The following CPNE9 variants were observed in gnomAD, a reference collection of about 807,000 sequenced individuals.
CPNE9 encodes copine family member 9.
Under a neutral mutation model 83.0 loss-of-function variants are expected in CPNE9, and 59 were observed. The observed-to-expected ratio is 0.71, with a 90% confidence interval of 0.58 to 0.88. The LOEUF (loss-of-function observed/expected upper bound fraction) is 0.88. CPNE9 is among the 40% of genes least tolerant of loss of function. CPNE9 has a pLI of 0.00. For missense variants in CPNE9, 619 were observed against 720.8 expected (o/e 0.86, Z 1.62); for synonymous variants, 256 against 273.4 (o/e 0.94, Z 0.63).
intron 4 of CPNE9, 102 bp downstream of exon 4, chr3:9,705,096 T>C: frequency 2.4e-6 from 2 of 845,546 alleles, no homozygotes; most frequent in East Asian, 5.3e-5. Flanking sequence ...CTGGTTCTTC[T>C]CGCAGGCCTC....
chr3:9,713,219 G>A, intron 10 of CPNE9, 140 bp downstream of exon 10: 2 of 663,102 alleles, frequency 3.0e-6, no homozygotes. Flanking sequence ...ATGAGGTTGG[G>A]TGGATGGACA....
chr3:9,727,481 A>G, intron 20 of CPNE9: 1 of 706,558 alleles, frequency 1.4e-6, no homozygotes, highest in South Asian at 1.5e-5. Context: ...AGTACTCCAG[A>G]GGAATAGCAA....
At position 9,729,878 on chromosome 3, in the gene CPNE9, C is replaced by T; in HGVS notation, c.*186C>T. On this transcript the variant is annotated 3_prime_UTR_variant, in exon 21 of 21. Transcript: ENST00000383832. ...GGCACTATCACCACCTCTCTGCCTT[C>T]ATGCCAATAATAAAGCTGATCTTTA... 1 of 727,914 alleles carries T rather than the reference C, an allele frequency of 1.4e-6. No homozygotes were observed. The highest frequency in any genetic ancestry group is 2.1e-6 in the Non-Finnish European group (1 of 474,362). 45.1% of individuals were successfully genotyped at this position (727,914 alleles called of 1,614,324 possible).
chr3:9,715,142 C>T lies in CPNE9; in HGVS notation c.693-147C>T, dbSNP rs559707497. ...TGGACACTGTCTCTTCCCGTTTTTC[C>T]CCTATGTTTGGCCTCCCTTATGGCC... On this transcript the variant is annotated intron_variant, in intron 11 of 20. Transcript: ENST00000383832. 13 of 970,246 alleles carry T rather than the reference C, an allele frequency of 1.3e-5. No homozygotes were observed. In the South Asian group the frequency reaches 1.9e-4, roughly 14 times the overall value. 60.1% of individuals were successfully genotyped at this position (970,246 alleles called of 1,614,324 possible).
intron 10 of CPNE9, 62 bp downstream of exon 10, chr3:9,713,141 C>A: frequency 8.1e-7 from 1 of 1,239,074 alleles, no homozygotes; most frequent in Non-Finnish European, 1.2e-6. Context: ...GTTCCTGGGC[C>A]CAAGAATGAT....
In CPNE9 at chr3:9,705,444, C is replaced by CCCCCGT; in HGVS notation, c.261-20_261-19insCCCCGT. 2 of 1,514,192 alleles carry CCCCCGT rather than the reference C, an allele frequency of 1.3e-6. No homozygotes were observed. The highest frequency in any genetic ancestry group is 1.8e-6 in the Non-Finnish European group (2 of 1,113,918). 93.8% of individuals were successfully genotyped at this position (1,514,192 alleles called of 1,614,324 possible). A position where few individuals can be genotyped will look rare whatever the true frequency, so the allele number is the denominator to read the frequency against. On this transcript the variant is annotated intron_variant, in intron 4 of 20. Transcript: ENST00000383832. Reference sequence around the variant, plus strand: ...TCCCCCACCCAGCCCCACCCCACACCGGTTCCACTCTTTTCCCAGGTACAA... The same window carrying CCCCCGT: ...TCCCCCACCCAGCCCCACCCCACACCCCCCGTGGTTCCACTCTTTTCCCAGGTACAA...
At chr3:9,705,597 C>A in intron 5 of CPNE9, 97 bp downstream of exon 5, 1 of 1,561,442 alleles carries the variant, frequency 6.4e-7, no homozygotes, top group Admixed American at 1.7e-5. Flanking sequence ...CGACCCAGAC[C>A]CCATCTTCTT....
intron 13 of CPNE9, 145 bp from the exon 14 acceptor site, chr3:9,715,829 G>A: frequency 1.5e-6 from 1 of 680,982 alleles, no homozygotes; most frequent in Non-Finnish European, 2.5e-6. Context: ...GTCAGAAGTT[G>A]AACAGGGTGG....
At chr3:9,705,664 GCCC>G in intron 5 of CPNE9, 51 bp from the exon 6 acceptor site, 17 of 1,611,042 alleles carry the variant, frequency 1.1e-5, no homozygotes, top group Non-Finnish European at 1.3e-5. Context: ...TCCTGCCTGT[GCCC>G]CCTACTCACT....
At chr3:9,716,951 C>A in intron 14 of CPNE9, 107 bp from the exon 15 acceptor site, 1 of 1,187,376 alleles carries the variant, frequency 8.4e-7, no homozygotes, top group Non-Finnish European at 1.2e-6. Flanking sequence ...TCAGAATCTG[C>A]ATTTTAACAT....
chr3:9,717,195 G>T, intron 15 of CPNE9, 91 bp downstream of exon 15: 2 of 1,389,672 alleles, frequency 1.4e-6, no homozygotes, highest in South Asian at 1.2e-5. Flanking sequence ...CTAGAGATAA[G>T]AGTTTACCTA....
At chr3:9,709,430 G>A (rs1232430334) in intron 7 of CPNE9, among the ~76,000 whole-genome samples, 3 of 147,564 alleles carry the variant, frequency 2.0e-5, no homozygotes, top group Non-Finnish European at 3.0e-5. Context: ...GTGGTGTGGT[G>A]TGATCTTGGC....
At chr3:9,711,833 T>G (rs942404121) in intron 7 of CPNE9, among the ~76,000 whole-genome samples, 14 of 152,172 alleles carry the variant, frequency 9.2e-5, no homozygotes, top group African/African-American at 3.4e-4. Flanking sequence ...AAAGTTTCCC[T>G]TGTCTTTTAA....
At position 9,704,143 on chromosome 3, in the gene CPNE9, G is replaced by T; in HGVS notation, c.68+79G>T. On this transcript the variant is annotated intron_variant, in intron 1 of 20. Coordinates refer to ENST00000383832, the MANE Select transcript of CPNE9 (RefSeq NM_153635.3). This position sits in a 1 kb window ranked among gnomAD's most constrained non-coding sequence, Gnocchi z 7.1. ...CCAGCCGCGGGGCTCAGCCTGGGCA[G>T]GGGCTAGACCCCCGGGGAGAGGCGA... The T allele has an allele frequency of 7.2e-7, 1 of 1,386,736 alleles. No homozygotes were observed. Among genetic ancestry groups the T allele is most frequent in the Non-Finnish European group, 1.0e-6 (1 of 1,002,830 alleles). The allele number at this position is 1,386,736 out of a possible 1,614,324, so 85.9% of individuals were successfully genotyped here.
At chr3:9,720,522 AATG>A (rs2076725098) in intron 17 of CPNE9, among the ~76,000 whole-genome samples, 1 of 152,230 alleles carries the variant, frequency 6.6e-6, no homozygotes, top group South Asian at 2.1e-4. Context: ...AATTTGCAGT[AATG>A]ATAATAGATT....
Position 9,729,797 on chromosome 3 carries a change from C to G in CPNE9, c.*105C>G. The G allele has an allele frequency of 2.1e-6, 3 of 1,446,246 alleles. No homozygotes were observed. Among genetic ancestry groups the G allele is most frequent in the Non-Finnish European group, 2.7e-6 (3 of 1,093,582 alleles). 89.6% of individuals were successfully genotyped at this position (1,446,246 alleles called of 1,614,324 possible). A position where few individuals can be genotyped will look rare whatever the true frequency, so the allele number is the denominator to read the frequency against. Reference sequence around the variant, plus strand: ...CCCTGGACTTCACTGGGAGGGCCAACTTGGAGGATCAGTGCTGGCTGACAA... The same window carrying G: ...CCCTGGACTTCACTGGGAGGGCCAAGTTGGAGGATCAGTGCTGGCTGACAA... On this transcript the variant is annotated 3_prime_UTR_variant, in exon 21 of 21. Coordinates refer to ENST00000383832, the MANE Select transcript of CPNE9 (RefSeq NM_153635.3).
intron 6 of CPNE9, 49 bp from the exon 7 acceptor site, chr3:9,705,938 A>G: frequency 6.3e-7 from 1 of 1,586,888 alleles, no homozygotes. Context: ...CTAGGCTGGG[A>G]CTCAGCACTC....
intron 17 of CPNE9, among the ~76,000 whole-genome samples, chr3:9,725,569 G>GATATAT (rs112756664): frequency 6.9e-6 from 1 of 145,808 alleles, no homozygotes; most frequent in African/African-American, 2.5e-5. Context: ...TGTGTGTATG[G>GATATAT]ATATATATAT....
At chr3:9,714,052 G>A (rs1330940502) in intron 10 of CPNE9, among the ~76,000 whole-genome samples, 2 of 150,816 alleles carry the variant, frequency 1.3e-5, no homozygotes, top group South Asian at 4.2e-4. Flanking sequence ...CAGCCTGGGC[G>A]ACAGAGCAAG....
Sources: allele counts gnomAD v4.1 joint callset (sites outside exome capture counted in the v4.1 genomes callset), GRCh38; gene constraint gnomAD v4.1.1; non-coding constraint Gnocchi (gnomAD v3.1); transcripts MANE v1.5; gene names NCBI Gene and HGNC (gene_info 2026-07-23, HGNC 2026-07-21).